The following PRELID2 variants were observed in gnomAD, a reference collection of about 807,000 sequenced individuals.
PRELID2 encodes the protein PRELI domain containing 2.
In PRELID2, 25 loss-of-function variants were observed where a neutral mutation model predicts 28.4. That is an observed-to-expected ratio of 0.88 (90% CI 0.64 to 1.23). The LOEUF (loss-of-function observed/expected upper bound fraction) is 1.23, where lower values mean the gene tolerates loss of function less well. Among genes scored for constraint, PRELID2 ranks in the 50% most tolerant of loss-of-function variants. The pLI is 0.00. For missense variants in PRELID2, 201 were observed against 214.4 expected, an observed-to-expected ratio of 0.94 and a Z score of 0.39; for synonymous variants, 76 against 71.6, an observed-to-expected ratio of 1.06 and a Z score of -0.31.
chr5:145,614,697 T>C (rs1357965656), intron 1 of PRELID2, among the ~76,000 whole-genome samples: 1 of 152,244 alleles, frequency 6.6e-6, no homozygotes. Flanking sequence ...GAAACTTTGC[T>C]GAATTATTTA....
At chr5:145,385,027 G>T in the PRELID2 span, among the ~76,000 whole-genome samples, 1 of 152,090 alleles carries the variant, frequency 6.6e-6, no homozygotes, top group South Asian at 2.1e-4. Flanking sequence ...TGACTGGAAG[G>T]TACAGTGTAA....
intron 1 of PRELID2, among the ~76,000 whole-genome samples, chr5:145,522,069 C>T (rs1055557316): frequency 2.0e-5 from 3 of 152,096 alleles, no homozygotes; most frequent in Admixed American, 6.6e-5. Flanking sequence ...TAGACTAAAA[C>T]ATGTACCTCC....
intron 1 of PRELID2, among the ~76,000 whole-genome samples, chr5:145,555,659 G>A (rs1752874375): frequency 6.6e-6 from 1 of 152,130 alleles, no homozygotes; most frequent in Non-Finnish European, 1.5e-5. Context: ...GGTTGGTGAT[G>A]AATGCTGAAG....
At chr5:145,313,050 CA>C in the PRELID2 span, among the ~76,000 whole-genome samples, 1 of 151,992 alleles carries the variant, frequency 6.6e-6, no homozygotes, top group Non-Finnish European at 1.5e-5. Context: ...TGGAACCCCC[CA>C]AAAAACCAAA....
chr5:145,744,818 C>T (rs1051298976), intron 1 of PRELID2, among the ~76,000 whole-genome samples: 17 of 151,978 alleles, frequency 1.1e-4, no homozygotes, highest in African/African-American at 3.9e-4. Flanking sequence ...CAAATGATTG[C>T]AACGTTTCTC....
At chr5:145,825,366 C>T (rs962404126) in intron 1 of PRELID2, among the ~76,000 whole-genome samples, 2 of 151,026 alleles carry the variant, frequency 1.3e-5, no homozygotes, top group Non-Finnish European at 2.9e-5. Flanking sequence ...AGGAGACTTT[C>T]GCTTACACAG....
the PRELID2 span, among the ~76,000 whole-genome samples, chr5:145,381,833 T>C: frequency 6.6e-6 from 1 of 152,022 alleles, no homozygotes; most frequent in Non-Finnish European, 1.5e-5. Flanking sequence ...GAACATATTA[T>C]CTCTGTAAAG....
chr5:145,728,937 C>T (rs1281324491), intron 1 of PRELID2: 12 of 814,606 alleles, frequency 1.5e-5, no homozygotes, highest in Non-Finnish European at 2.4e-5. Flanking sequence ...CCCAGAGAAA[C>T]TCAAAACCAC....
chr5:145,649,770 A>C (rs1038234517), intron 1 of PRELID2, among the ~76,000 whole-genome samples: 2 of 152,152 alleles, frequency 1.3e-5, no homozygotes, highest in Non-Finnish European at 2.9e-5. Flanking sequence ...CCAATTTTCC[A>C]TCAAACTTCT....
chr5:145,681,035 A>T (rs946976282), intron 1 of PRELID2, among the ~76,000 whole-genome samples: 10 of 152,190 alleles, frequency 6.6e-5, no homozygotes, highest in Non-Finnish European at 1.2e-4. Context: ...TGAACCCCAC[A>T]GCTGGGGTTG....
chr5:145,654,931 T>C (rs1284956997), intron 1 of PRELID2, among the ~76,000 whole-genome samples: 1 of 152,096 alleles, frequency 6.6e-6, no homozygotes, highest in Non-Finnish European at 1.5e-5. Context: ...ATAAAGGGTA[T>C]TCAATTAGGA....
chr5:145,806,467 C>G (rs1005278707), intron 4 of PRELID2, among the ~76,000 whole-genome samples: 1 of 152,202 alleles, frequency 6.6e-6, no homozygotes, highest in African/African-American at 2.4e-5. Context: ...GCTGCCATCT[C>G]CTATGATAAC....
chr5:145,740,840 C>T (rs1396503413), intron 1 of PRELID2, among the ~76,000 whole-genome samples: 4 of 104,974 alleles, frequency 3.8e-5, no homozygotes, highest in African/African-American at 1.5e-4. Context: ...ATATATTTAT[C>T]GATAAATATA....
intron 1 of PRELID2, chr5:145,703,972 T>C (rs1755476557): frequency 6.6e-6 from 1 of 152,244 alleles, no homozygotes; most frequent in South Asian, 2.1e-4. Context: ...AGAGTCACAG[T>C]ACCTGAGGTG....
chr5:145,251,817 C>T, the PRELID2 span, among the ~76,000 whole-genome samples: 2 of 152,124 alleles, frequency 1.3e-5, no homozygotes, highest in African/African-American at 4.8e-5. Context: ...GTCAACCAAC[C>T]CTTGGCCTGG....
chr5:145,600,798 A>G (rs1038310559), intron 1 of PRELID2, among the ~76,000 whole-genome samples: 3 of 152,186 alleles, frequency 2.0e-5, no homozygotes, highest in African/African-American at 4.8e-5. Context: ...TGAAATCAGC[A>G]TATGAAATAT....
intron 1 of PRELID2, among the ~76,000 whole-genome samples, chr5:145,713,590 A>G (rs957564211): frequency 7.3e-6 from 1 of 136,134 alleles, no homozygotes; most frequent in African/African-American, 2.8e-5. Flanking sequence ...TAAAGTATAT[A>G]TACTTTATAT....
chr5:145,752,314 C>T (rs1248011657), downstream of PRELID2, among the ~76,000 whole-genome samples: 1 of 152,206 alleles, frequency 6.6e-6, no homozygotes, highest in African/African-American at 2.4e-5. Context: ...TGAGTTGACA[C>T]GTACAGAAAG....
chr5:145,302,270 T>C, the PRELID2 span, among the ~76,000 whole-genome samples: 1 of 152,012 alleles, frequency 6.6e-6, no homozygotes, highest in Admixed American at 6.6e-5. Context: ...CAAGCGATTC[T>C]CTTGCCTCAG....
Sources: allele counts gnomAD v4.1 joint callset (sites outside exome capture counted in the v4.1 genomes callset), GRCh38; gene constraint gnomAD v4.1.1; transcripts MANE v1.5; gene names NCBI Gene and HGNC (gene_info 2026-07-23, HGNC 2026-07-21).